Variants in RPS6KA2 observed in about 807,000 individuals in gnomAD.
The protein encoded by RPS6KA2 is ribosomal protein S6 kinase alpha-2.
In RPS6KA2, 42 loss-of-function variants were observed where a neutral mutation model predicts 91.8. That is an observed-to-expected ratio of 0.46 (90% CI 0.36 to 0.59). The LOEUF (loss-of-function observed/expected upper bound fraction) is 0.59, where lower values mean the gene tolerates loss of function less well. Among genes scored for constraint, RPS6KA2 ranks in the 20% least tolerant of loss-of-function variants. RPS6KA2 has a pLI of 0.00. For synonymous variants in RPS6KA2, 414 were observed against 393.6 expected (o/e 1.05, Z -0.61); for missense variants, 798 against 978.5 (o/e 0.82, Z 2.46).
chr6:166,816,181 T>C (rs1228342520), intron 2 of RPS6KA2, among the ~76,000 whole-genome samples: 2 of 152,132 alleles, frequency 1.3e-5, no homozygotes, highest in Non-Finnish European at 2.9e-5. Flanking sequence ...TTCCTAACCA[T>C]GTACATCATA....
chr6:166,810,837 C>T lies in RPS6KA2; in HGVS notation c.123+47363G>A, dbSNP rs1033227949. ...GGGAATAAGCTGCCTCTTTCTGATC[C>T]TCAAAACATAACAAGGACCAAATGC... On this transcript the variant is annotated intron_variant, in intron 2 of 21. Coordinates refer to the RPS6KA2 transcript ENST00000503859. 2.0e-5 allele frequency among the ~76,000 whole-genome samples: 3 copies of T among 152,266 alleles called. No individual in the cohort carries two copies. In the East Asian group the frequency reaches 5.8e-4, roughly 29 times the overall value.
rs116613235 is a variant in RPS6KA2, at chr6:166,441,696, T to C, written c.1332+7028A>G. Among the ~76,000 whole-genome samples, 1,443 of 152,364 alleles carry C rather than the reference T, an allele frequency of 9.5e-3. 24 individuals are homozygous for C. Among genetic ancestry groups the C allele is most frequent in the African/African-American group, 0.033 (1,370 of 41,576 alleles). On this transcript the variant is annotated intron_variant, in intron 14 of 20. Transcript: ENST00000265678. The stretch of plus-strand genomic sequence containing the variant: ...GCCCAGCGTTAGGCCATGGGCTCTT[T>C]CAAGATGTAGCTTCTGCAACAAGCC...
chr6:166,537,542 TACAA>T (rs767598512), intron 2 of RPS6KA2, among the ~76,000 whole-genome samples: 12 of 152,272 alleles, frequency 7.9e-5, no homozygotes, highest in Non-Finnish European at 1.5e-4. Context: ...ATAAAAATTT[TACAA>T]ACAATCCAGT....
In RPS6KA2 at chr6:166,437,006, C is replaced by T. The variant is rs1044959586; in HGVS notation, c.1333-4516G>A. 2.0e-5 allele frequency among the ~76,000 whole-genome samples: 3 copies of T among 152,072 alleles called. No homozygotes were observed. The highest frequency in any genetic ancestry group is 2.0e-4 in the Admixed American group (3 of 15,266). On this transcript the variant is annotated intron_variant, in intron 14 of 20. Transcript: ENST00000265678. The surrounding 1 kb of genome is among the most constrained non-coding windows in gnomAD (Gnocchi z 4.3). ...TGTCAGGAAGTGCTGGCTGCTTTTCCCTGTAACTTTTTCTGAAAAAAAAAT... is the reference window on the plus strand; with the variant it reads ...TGTCAGGAAGTGCTGGCTGCTTTTCTCTGTAACTTTTTCTGAAAAAAAAAT...
At chr6:166,518,967 T>A (rs1034317543) in intron 3 of RPS6KA2, among the ~76,000 whole-genome samples, 1 of 152,218 alleles carries the variant, frequency 6.6e-6, no homozygotes, top group Admixed American at 6.5e-5. Flanking sequence ...CTAGGTGGTG[T>A]CAGTCATTCA....
At chr6:166,701,577 T>C (rs2128576109) in intron 2 of RPS6KA2, 6 of 1,406,332 alleles carry the variant, frequency 4.3e-6, no homozygotes, top group Non-Finnish European at 6.0e-6. Context: ...TGATGAGGGC[T>C]CTGACTGATA....
intron 1 of RPS6KA2, among the ~76,000 whole-genome samples, chr6:166,575,683 C>T (rs374789927): frequency 9.2e-5 from 14 of 152,188 alleles, no homozygotes; most frequent in African/African-American, 3.4e-4. Flanking sequence ...AGAACAACAC[C>T]TCCCACTGAG....
Position 166,626,986 on chromosome 6 carries a change from T to C in RPS6KA2, c.34A>G (p.Arg12Gly), listed in dbSNP as rs769095050. The change falls in exon 1 of 21, where the codon AGG becomes GGG. Residue 12 changes from arginine to glycine, a missense_variant. Transcript: ENST00000265678. The surrounding 1 kb of genome is among the most constrained non-coding windows in gnomAD (Gnocchi z 4.1). The stretch of plus-strand genomic sequence containing the variant: ...CTGCGCAGGTACACAGAGAAGAACC[T>C]GCGCACGGCGAACTTCTTCATGCTC... ...DLSMKKFAVR[R>G]FFSVYLRRKS... The C allele has an allele frequency of 1.3e-6, 2 of 1,552,754 alleles. No homozygotes were observed. Among genetic ancestry groups the C allele is most frequent in the South Asian group, 2.4e-5 (2 of 84,850 alleles).
At chr6:166,774,702 A>G (rs9459744) in intron 2 of RPS6KA2, among the ~76,000 whole-genome samples, 4,762 of 151,972 alleles carry the variant, frequency 0.031, 262 homozygotes, top group African/African-American at 0.11. Context: ...GGAGAAAGAA[A>G]TGAGCTGGCC....
intron 6 of RPS6KA2, among the ~76,000 whole-genome samples, chr6:166,502,252 TA>T (rs1782053574): frequency 6.6e-6 from 1 of 152,128 alleles, no homozygotes; most frequent in Non-Finnish European, 1.5e-5. Context: ...GCCACAGAGT[TA>T]AAAAAATAAC....
intron 8 of RPS6KA2, among the ~76,000 whole-genome samples, chr6:166,496,971 C>A (rs1453261427): frequency 2.0e-5 from 3 of 152,240 alleles, no homozygotes; most frequent in Non-Finnish European, 4.4e-5. Flanking sequence ...GCTGCCCTCA[C>A]CCACCACTCA....
intron 2 of RPS6KA2, among the ~76,000 whole-genome samples, chr6:166,668,467 C>T (rs574545955): frequency 2.0e-5 from 3 of 152,080 alleles, no homozygotes; most frequent in East Asian, 3.8e-4. Flanking sequence ...ATCAGGAGAG[C>T]GGGAACCACA....
rs931360648 is a variant in RPS6KA2, at chr6:166,442,074, G to A, written c.1332+6650C>T. Among the ~76,000 whole-genome samples the A allele has an allele frequency of 2.0e-5, 3 of 152,210 alleles. No individual in the cohort carries two copies. In the South Asian group the frequency reaches 6.2e-4, roughly 31 times the overall value. ...TCATAAGACCAGGAGACTCAGGTGCGATTTTACATAGAGCTCCACTTGCAC... is the reference window on the plus strand; with the variant it reads ...TCATAAGACCAGGAGACTCAGGTGCAATTTTACATAGAGCTCCACTTGCAC... On this transcript the variant is annotated intron_variant, in intron 14 of 20. Coordinates refer to ENST00000265678, the MANE Select transcript of RPS6KA2 (RefSeq NM_021135.6).
At chr6:166,617,810 G>A (rs1057491267) in intron 1 of RPS6KA2, among the ~76,000 whole-genome samples, 12 of 152,194 alleles carry the variant, frequency 7.9e-5, no homozygotes, top group African/African-American at 2.9e-4. Context: ...CAACGGTCCC[G>A]CAACAGCCAC....
chr6:166,755,480 A>T (rs1257667575), intron 2 of RPS6KA2, among the ~76,000 whole-genome samples: 5 of 151,892 alleles, frequency 3.3e-5, no homozygotes, highest in Admixed American at 2.6e-4. Context: ...TTATTTATTT[A>T]TTTATTTATT....
intron 1 of RPS6KA2, among the ~76,000 whole-genome samples, chr6:166,599,555 C>T (rs1412491012): frequency 2.0e-5 from 3 of 152,164 alleles, no homozygotes; most frequent in Non-Finnish European, 2.9e-5. Context: ...CCAGGGGAAG[C>T]ACGAAGCTTC....
chr6:166,673,223 C>A (rs1222559865), intron 2 of RPS6KA2, among the ~76,000 whole-genome samples: 1 of 152,220 alleles, frequency 6.6e-6, no homozygotes, highest in African/African-American at 2.4e-5. Context: ...TCCACGTGCA[C>A]ACAGACCCAG....
intron 2 of RPS6KA2, among the ~76,000 whole-genome samples, chr6:166,697,733 T>G (rs1219709440): frequency 6.6e-6 from 1 of 152,188 alleles, no homozygotes; most frequent in African/African-American, 2.4e-5. Flanking sequence ...CCCAACATTC[T>G]GAAATCTCTT....
At chr6:166,807,817 TCAA>T (rs1779529882) in intron 2 of RPS6KA2, among the ~76,000 whole-genome samples, 1 of 152,066 alleles carries the variant, frequency 6.6e-6, no homozygotes, top group Non-Finnish European at 1.5e-5. Context: ...AGGCCTTCCC[TCAA>T]CACCTGTTTA....
Sources: gnomAD v4.1 joint callset for allele counts (sites outside exome capture counted in the v4.1 genomes callset) on GRCh38, gnomAD v4.1.1 for gene constraint, Gnocchi (gnomAD v3.1) non-coding constraint, MANE v1.5 for transcripts, NCBI Gene and HGNC (gene_info 2026-07-23, HGNC 2026-07-21) for gene names.